The following LRP6 variants were observed in gnomAD, a reference collection of about 807,000 sequenced individuals.
LRP6 encodes low-density lipoprotein receptor-related protein 6.
In LRP6, 43 loss-of-function variants were observed where a neutral mutation model predicts 184.1. The observed-to-expected ratio is 0.23, with a 90% CI of 0.18 to 0.30. The LOEUF (loss-of-function observed/expected upper bound fraction) is 0.30, where lower values mean the gene tolerates loss of function less well. LRP6 is among the 10% of genes least tolerant of loss of function. LRP6 has a pLI of 1.00. For missense variants in LRP6, 1,571 were observed against 2,005.3 expected (o/e 0.78, Z 4.14); for synonymous variants, 719 against 684.9 (o/e 1.05, Z -0.78).
chr12:12,261,660 T>C (rs942383576), intron 1 of LRP6, among the ~76,000 whole-genome samples: 33 of 152,142 alleles, frequency 2.2e-4, no homozygotes, highest in African/African-American at 8.0e-4. Context: ...CTCAGGACTT[T>C]TCAGAACCCT....
At chr12:12,261,316 T>C (rs1438450667) in intron 1 of LRP6, among the ~76,000 whole-genome samples, 1 of 149,310 alleles carries the variant, frequency 6.7e-6, no homozygotes, top group Non-Finnish European at 1.5e-5. Context: ...GGCAGGAGAA[T>C]GGCGTGAACC....
intron 3 of LRP6, among the ~76,000 whole-genome samples, chr12:12,202,596 C>T (rs1266319550): frequency 1.3e-5 from 2 of 152,170 alleles, no homozygotes; most frequent in African/African-American, 4.8e-5. Context: ...CATGCCTATT[C>T]CCTTATGCAT....
At position 12,125,450 on chromosome 12, in the gene LRP6, T is replaced by G; in HGVS notation, c.4313-18A>C. 1 of 1,611,968 alleles carries G rather than the reference T, an allele frequency of 6.2e-7. No homozygotes were observed. The highest frequency in any genetic ancestry group is 8.5e-7 in the Non-Finnish European group (1 of 1,178,384). The stretch of plus-strand genomic sequence containing the variant: ...AGACATTCCTAAAATAAAAGGAGGT[T>G]AAAAACTGAAGATGAGTATGATATA... On this transcript the variant is annotated intron_variant, in intron 20 of 22. Transcript: ENST00000261349.
At chr12:12,216,318 C>A (rs549337011) in intron 2 of LRP6, among the ~76,000 whole-genome samples, 58 of 152,068 alleles carry the variant, frequency 3.8e-4, no homozygotes, top group African/African-American at 1.1e-3. Flanking sequence ...CCCACAATGG[C>A]CATAATGCAA....
chr12:12,127,298 G>T (rs1037090247), intron 19 of LRP6, among the ~76,000 whole-genome samples: 17 of 152,128 alleles, frequency 1.1e-4, no homozygotes, highest in African/African-American at 2.7e-4. Context: ...ATGAACAACG[G>T]TATTCCAAGA....
At chr12:12,218,145 T>C (rs949505645) in intron 2 of LRP6, among the ~76,000 whole-genome samples, 1 of 152,144 alleles carries the variant, frequency 6.6e-6, no homozygotes, top group Non-Finnish European at 1.5e-5. Context: ...AAGGTCTGGT[T>C]TCCAGAATAT....
At chr12:12,204,534 C>T (rs1045884367) in intron 2 of LRP6, among the ~76,000 whole-genome samples, 6 of 151,722 alleles carry the variant, frequency 4.0e-5, no homozygotes, top group African/African-American at 1.5e-4. Context: ...ACTACTTTTG[C>T]TTCTATTCCA....
rs377550979 is a variant in LRP6 at position 12,266,996 on chromosome 12, C to A, written c.-261G>T. The A allele has an allele frequency of 1.2e-4, 64 of 524,592 alleles. No individual in the cohort carries two copies. The highest frequency in any genetic ancestry group is 8.3e-4 in the East Asian group (24 of 28,812). The allele number at this position is 524,592 out of a possible 1,614,324, so 32.5% of individuals were successfully genotyped here. On this transcript the variant is annotated 5_prime_UTR_variant, in exon 1 of 23. Transcript: ENST00000261349. Reference sequence around the variant, plus strand: ...TCCTCCCCCGGCGCCCCGCTTCCCCCGCGCAGCTCCTCATTCAGCCTCTGC... The same window carrying A: ...TCCTCCCCCGGCGCCCCGCTTCCCCAGCGCAGCTCCTCATTCAGCCTCTGC...
intron 22 of LRP6, among the ~76,000 whole-genome samples, chr12:12,122,769 C>CTGCA (rs1302081060): frequency 1.3e-5 from 2 of 151,986 alleles, no homozygotes; most frequent in Admixed American, 6.6e-5. Context: ...GAGGTGGAGA[C>CTGCA]TGCAGTAAGC....
At chr12:12,180,260 T>A (rs938330635) in intron 6 of LRP6, among the ~76,000 whole-genome samples, 47 of 149,892 alleles carry the variant, frequency 3.1e-4, no homozygotes, top group African/African-American at 7.8e-4. Flanking sequence ...TTTTTTTTTT[T>A]AAATATTTTG....
intron 18 of LRP6, among the ~76,000 whole-genome samples, chr12:12,131,355 G>T (rs144954798): frequency 6.6e-6 from 1 of 151,908 alleles, no homozygotes; most frequent in African/African-American, 2.4e-5. Context: ...TGATCCGCCC[G>T]CCTCGGCCTC....
intron 16 of LRP6, among the ~76,000 whole-genome samples, chr12:12,136,532 G>A (rs1949842937): frequency 6.6e-6 from 1 of 152,228 alleles, no homozygotes; most frequent in Non-Finnish European, 1.5e-5. Flanking sequence ...TTCACAAGTT[G>A]TATTTTTAAA....
At chr12:12,215,613 A>G (rs991145020) in intron 2 of LRP6, among the ~76,000 whole-genome samples, 28 of 151,830 alleles carry the variant, frequency 1.8e-4, no homozygotes, top group Non-Finnish European at 3.8e-4. Context: ...GGCCTCCCAA[A>G]GTGCTGGGAT....
At chr12:12,213,061 C>A (rs1379882614) in intron 2 of LRP6, among the ~76,000 whole-genome samples, 3 of 152,148 alleles carry the variant, frequency 2.0e-5, no homozygotes, top group African/African-American at 7.2e-5. Flanking sequence ...AAACTGGTTT[C>A]ATCATCTGGA....
intron 1 of LRP6, among the ~76,000 whole-genome samples, chr12:12,252,852 A>G (rs1322774893): frequency 6.6e-6 from 1 of 152,136 alleles, no homozygotes; most frequent in Non-Finnish European, 1.5e-5. Context: ...TTCTTGATAT[A>G]CTCTTGACAT....
chr12:12,227,403 CTTTTCCTTTTT>C (rs1014894522), intron 2 of LRP6, among the ~76,000 whole-genome samples: 1 of 149,890 alleles, frequency 6.7e-6, no homozygotes, highest in African/African-American at 2.4e-5. Flanking sequence ...TAAAAACTTT[CTTTTCCTTTTT>C]TTTTTTTTTT....
chr12:12,121,934 T>C (rs1402259732), intron 22 of LRP6, among the ~76,000 whole-genome samples: 2 of 152,170 alleles, frequency 1.3e-5, no homozygotes, highest in African/African-American at 4.8e-5. Context: ...AGGCTGGATT[T>C]TGGTAGACAG....
At chr12:12,172,445 A>G (rs1239059332) in intron 7 of LRP6, among the ~76,000 whole-genome samples, 2 of 152,236 alleles carry the variant, frequency 1.3e-5, no homozygotes. Context: ...CAGCCAGTCT[A>G]CTACCAAAAT....
chr12:12,132,614 CTTTA>C (rs1284362685), intron 17 of LRP6, among the ~76,000 whole-genome samples: 1 of 152,136 alleles, frequency 6.6e-6, no homozygotes, highest in Non-Finnish European at 1.5e-5. Context: ...TGACAACAAA[CTTTA>C]TTAGTAATCA....
Sources: allele counts gnomAD v4.1 joint callset (sites outside exome capture counted in the v4.1 genomes callset), GRCh38; gene constraint gnomAD v4.1.1; transcripts MANE v1.5; gene names NCBI Gene and HGNC (gene_info 2026-07-23, HGNC 2026-07-21).